The following ZNF346 variants were observed in gnomAD, a reference collection of about 807,000 sequenced individuals.
ZNF346 encodes double-stranded RNA-binding zinc finger protein JAZ.
Under a neutral mutation model 33.7 loss-of-function variants are expected in ZNF346, and 23 were observed. That is an observed-to-expected ratio of 0.68 (90% CI 0.49 to 0.97). The LOEUF (loss-of-function observed/expected upper bound fraction) is 0.97. Ranked by LOEUF, ZNF346 falls within the 50% of genes least tolerant of loss-of-function variation. The probability of loss-of-function intolerance (pLI) is 0.00; values close to 1 mark genes in which losing one functional copy is unlikely to be tolerated. For missense variants in ZNF346, 340 were observed against 371.1 expected (o/e 0.92, Z 0.69); for synonymous variants, 134 against 142.4 (o/e 0.94, Z 0.42).
intron 4 of ZNF346, among the ~76,000 whole-genome samples, chr5:177,047,951 T>TTGG (rs1562002234): frequency 2.6e-5 from 4 of 152,190 alleles, no homozygotes; most frequent in Non-Finnish European, 5.9e-5. Context: ...ACAATTGCCT[T>TTGG]CTATATGTTT....
At chr5:177,056,099 G>C (rs1406568934) in intron 5 of ZNF346, among the ~76,000 whole-genome samples, 3 of 130,664 alleles carry the variant, frequency 2.3e-5, no homozygotes, top group Non-Finnish European at 3.3e-5. Flanking sequence ...AAAAAAGTTA[G>C]CCGGGCATGG....
chr5:177,047,140 C>G (rs1202197684), intron 4 of ZNF346, among the ~76,000 whole-genome samples: 2 of 151,726 alleles, frequency 1.3e-5, no homozygotes, highest in East Asian at 3.9e-4. Flanking sequence ...CCTCCGCCTC[C>G]TGGGTTCAAG....
At chr5:177,024,276 A>G (rs1045416034) in intron 1 of ZNF346, among the ~76,000 whole-genome samples, 1 of 134,548 alleles carries the variant, frequency 7.4e-6, no homozygotes, top group African/African-American at 2.8e-5. Context: ...TCACACTGCA[A>G]CCTCCGCCTC....
At chr5:177,040,883 T>C (rs925172810) in intron 1 of ZNF346, among the ~76,000 whole-genome samples, 2 of 152,208 alleles carry the variant, frequency 1.3e-5, no homozygotes, top group Non-Finnish European at 2.9e-5. Flanking sequence ...TAAAGATTCC[T>C]TTTTAAAAGA....
intron 4 of ZNF346, 164 bp from the exon 5 acceptor site, chr5:177,050,587 A>G (rs1780715797): frequency 2.9e-6 from 2 of 686,670 alleles, no homozygotes; most frequent in Admixed American, 2.5e-5. Flanking sequence ...TCACACAGGC[A>G]GTGCCACATC....
At chr5:177,071,377 A>G (rs548794869), downstream of ZNF346, among the ~76,000 whole-genome samples, 28 of 151,692 alleles carry the variant, frequency 1.8e-4, no homozygotes, top group South Asian at 6.3e-4. Context: ...AAAAAAAAAA[A>G]AAAGAAAGAA....
chr5:177,026,714 G>A (rs1432616662), intron 1 of ZNF346, among the ~76,000 whole-genome samples: 2 of 152,110 alleles, frequency 1.3e-5, no homozygotes, highest in Non-Finnish European at 2.9e-5. Flanking sequence ...GCAAGGAAGA[G>A]GCTAACACAC....
rs1157529834 is a variant in ZNF346 at position 177,077,980 on chromosome 5, C to T, written c.*3-1402C>T. 6.6e-6 allele frequency among the ~76,000 whole-genome samples: 1 copy of T among 152,036 alleles called. No homozygotes were observed. Among genetic ancestry groups the T allele is most frequent in the African/African-American group, 2.4e-5 (1 of 41,406 alleles). ...TGGTCAACATGGTGAAACCCCATCT[C>T]TACTAAAAATATAAAAATTAGCTGG... is the stretch of plus-strand genomic sequence containing the variant. On this transcript the variant is annotated intron_variant, in intron 8 of 8. Coordinates refer to the ZNF346 transcript ENST00000503039. This position sits in a 1 kb window ranked among gnomAD's most constrained non-coding sequence, Gnocchi z 5.0.
downstream of ZNF346, among the ~76,000 whole-genome samples, chr5:177,068,522 C>A (rs1282365576): frequency 6.9e-6 from 1 of 143,904 alleles, no homozygotes; most frequent in Non-Finnish European, 1.5e-5. Flanking sequence ...AGGCTTCTAT[C>A]CTGATACGTT....
chr5:177,023,928 C>T (rs1045368266), intron 1 of ZNF346, among the ~76,000 whole-genome samples: 2 of 151,508 alleles, frequency 1.3e-5, no homozygotes, highest in Non-Finnish European at 2.9e-5. Flanking sequence ...GTACACAGAC[C>T]TATACCCTGG....
At chr5:177,043,574 T>C (rs1779636686) in intron 3 of ZNF346, among the ~76,000 whole-genome samples, 1 of 152,104 alleles carries the variant, frequency 6.6e-6, no homozygotes, top group Non-Finnish European at 1.5e-5. Flanking sequence ...GAGACCACCC[T>C]AGGCAATATG....
chr5:177,055,030 G>A (rs917098272), intron 5 of ZNF346, among the ~76,000 whole-genome samples: 3 of 149,378 alleles, frequency 2.0e-5, no homozygotes, highest in Admixed American at 6.7e-5. Context: ...TTACAAATAC[G>A]TAGGTTTTTT....
intron 8 of ZNF346, among the ~76,000 whole-genome samples, chr5:177,073,294 G>A (rs1161259100): frequency 6.6e-6 from 1 of 152,112 alleles, no homozygotes; most frequent in African/African-American, 2.4e-5. Context: ...GGATTTCACA[G>A]GAAAGACATT....
chr5:177,032,674 AT>A (rs1777900477), intron 1 of ZNF346, among the ~76,000 whole-genome samples: 1 of 151,972 alleles, frequency 6.6e-6, no homozygotes, highest in Non-Finnish European at 1.5e-5. Context: ...GCCTCCCAAA[AT>A]GCTGACATTA....
At chr5:177,054,159 A>C (rs1197521414) in intron 5 of ZNF346, among the ~76,000 whole-genome samples, 3 of 148,948 alleles carry the variant, frequency 2.0e-5, no homozygotes, top group Non-Finnish European at 3.0e-5. Context: ...TGCAGTCGTG[A>C]CCTCCCAGAC....
chr5:177,052,073 G>A (rs1161659574), intron 5 of ZNF346, among the ~76,000 whole-genome samples: 1 of 152,128 alleles, frequency 6.6e-6, no homozygotes, highest in Non-Finnish European at 1.5e-5. Flanking sequence ...GCTGAGGTGG[G>A]AGGATAACTT....
At position 177,053,176 on chromosome 5, in the gene ZNF346, C is replaced by T. The variant is rs759798590; in HGVS notation, c.703+2240C>T. On this transcript the variant is annotated intron_variant, in intron 5 of 6. Coordinates refer to ENST00000358149, the MANE Select transcript of ZNF346 (RefSeq NM_012279.4). ...ACTGAAAATAGAAAAATTAGCTGGACGTGGTGACACACGCCTATAGTCCCA... is the reference window on the plus strand; with the variant it reads ...ACTGAAAATAGAAAAATTAGCTGGATGTGGTGACACACGCCTATAGTCCCA... Among the ~76,000 whole-genome samples, 15 of 151,778 alleles carry T rather than the reference C, an allele frequency of 9.9e-5. 1 individual carries two copies. Among genetic ancestry groups the T allele is most frequent in the Admixed American group, 2.0e-4 (3 of 15,224 alleles).
intron 5 of ZNF346, among the ~76,000 whole-genome samples, chr5:177,051,319 T>C (rs10476214): frequency 0.14 from 21,181 of 148,158 alleles, 3,160 homozygotes; most frequent in African/African-American, 0.38. Flanking sequence ...GGACTACAGG[T>C]GCCTGACACC....
At chr5:177,028,268 G>A (rs35798539) in intron 1 of ZNF346, among the ~76,000 whole-genome samples, 21,646 of 148,610 alleles carry the variant, frequency 0.15, 2,152 homozygotes, top group Middle Eastern at 0.25. Flanking sequence ...TGAACTCCTC[G>A]AACTCTAAAG....
Sources: allele counts gnomAD v4.1 joint callset (sites outside exome capture counted in the v4.1 genomes callset), GRCh38; gene constraint gnomAD v4.1.1; non-coding constraint Gnocchi (gnomAD v3.1); transcripts MANE v1.5; gene names NCBI Gene and HGNC (gene_info 2026-07-23, HGNC 2026-07-21).